UGT1A9: variants seen among roughly 807,000 people sequenced by gnomAD.
UGT1A9 encodes the protein UDP glucuronosyltransferase family 1 member A9.
A neutral mutation model predicts 45.0 loss-of-function variants in UGT1A9; 35 were observed. The observed-to-expected ratio is 0.78, with a 90% CI of 0.59 to 1.03. UGT1A9 has a LOEUF of 1.03. UGT1A9 is among the 50% of genes least tolerant of loss of function. UGT1A9 has a pLI of 0.00. For missense variants in UGT1A9, 687 were observed against 666.6 expected (o/e 1.03, Z -0.34); for synonymous variants, 278 against 250.6 (o/e 1.11, Z -1.03).
At chr2:233,697,172 T>C (rs1283360164) in intron 1 of UGT1A9, among the ~76,000 whole-genome samples, 1 of 152,110 alleles carries the variant, frequency 6.6e-6, no homozygotes, top group African/African-American at 2.4e-5. Context: ...CTTTTAAAAA[T>C]GGTTGGTAGA....
At chr2:233,694,618 C>A (rs1257635329) in intron 1 of UGT1A9, among the ~76,000 whole-genome samples, 5 of 152,218 alleles carry the variant, frequency 3.3e-5, no homozygotes, top group East Asian at 1.9e-4. Flanking sequence ...CTCCCTCTAT[C>A]TTTTATGCCT....
intron 1 of UGT1A9, among the ~76,000 whole-genome samples, chr2:233,709,550 C>G (rs1305349902): frequency 6.6e-6 from 1 of 151,946 alleles, no homozygotes; most frequent in Non-Finnish European, 1.5e-5. Flanking sequence ...TATGTAAGTA[C>G]TTATAAATTT....
chr2:233,725,139 A>G lies in UGT1A9; in HGVS notation c.856-41895A>G, dbSNP rs1329392712. ...TGCAGTGAGCCGAGATGGCAGCAGTACAGTCCAGCTTCGGCTCTGCATGAG... is the reference window on the plus strand; with the variant it reads ...TGCAGTGAGCCGAGATGGCAGCAGTGCAGTCCAGCTTCGGCTCTGCATGAG... On this transcript the variant is annotated intron_variant, in intron 1 of 4. Transcript: ENST00000354728. Among the ~76,000 whole-genome samples, 4 of 132,800 alleles carry G rather than the reference A, an allele frequency of 3.0e-5. 1 individual carries two copies. The highest frequency in any genetic ancestry group is 6.3e-5 in the Non-Finnish European group (4 of 63,650). The allele number at this position is 132,800 out of a possible 152,430, so 87.1% of individuals were successfully genotyped here. A position where few individuals can be genotyped will look rare whatever the true frequency, so the allele number is the denominator to read the frequency against.
intron 1 of UGT1A9, among the ~76,000 whole-genome samples, chr2:233,724,260 C>G (rs1481062069): frequency 7.7e-6 from 1 of 129,912 alleles, no homozygotes; most frequent in African/African-American, 3.0e-5. Flanking sequence ...CCTCACCTCC[C>G]GGACGGGGCG....
chr2:233,694,220 G>A (rs2075206036), intron 1 of UGT1A9, among the ~76,000 whole-genome samples: 1 of 152,028 alleles, frequency 6.6e-6, no homozygotes, highest in African/African-American at 2.4e-5. Context: ...TCCCAACTCT[G>A]TCCCATGCTT....
chr2:233,718,971 C>T (rs1342997030), intron 1 of UGT1A9: 5 of 1,614,090 alleles, frequency 3.1e-6, no homozygotes, highest in Middle Eastern at 1.6e-4. Context: ...CTTGCGGGAG[C>T]TCCATGCCAG....
chr2:233,717,564 G>A (rs569646597), intron 1 of UGT1A9, among the ~76,000 whole-genome samples: 3 of 152,318 alleles, frequency 2.0e-5, no homozygotes, highest in African/African-American at 7.2e-5. Context: ...GGCAGACATG[G>A]CCAGGCATGT....
In UGT1A9 at chr2:233,731,114, G is replaced by T. The variant is rs184066438; in HGVS notation, c.856-35920G>T. ...TTCTGTGCCTTTTTTATAAATGTAG[G>T]TATTATTGCAAAAGACTCTAAGCTT... On this transcript the variant is annotated intron_variant, in intron 1 of 4. Transcript: ENST00000354728. Among the ~76,000 whole-genome samples, 112 of 151,994 alleles carry T rather than the reference G, an allele frequency of 7.4e-4. 1 individual carries two copies. Among genetic ancestry groups the T allele is most frequent in the African/African-American group, 2.6e-3 (107 of 41,462 alleles).
At chr2:233,712,531 C>G (rs1471735074) in intron 1 of UGT1A9, among the ~76,000 whole-genome samples, 1 of 152,178 alleles carries the variant, frequency 6.6e-6, no homozygotes, top group Non-Finnish European at 1.5e-5. Flanking sequence ...CTGTGTTACC[C>G]ATATGTGGGA....
Position 233,766,771 on chromosome 2 carries a change from C to T in UGT1A9, c.856-263C>T, listed in dbSNP as rs71528513. ...GTGCATGTGTGTGCATGTACCTGTG[C>T]TTTTCTTTTGGAAAACTAGCACATT... On this transcript the variant is annotated intron_variant, in intron 1 of 4. Transcript: ENST00000354728. 5.2e-3 allele frequency among the ~76,000 whole-genome samples: 785 copies of T among 152,286 alleles called. 3 individuals are homozygous for T. The highest frequency in any genetic ancestry group is 8.7e-3 in the Non-Finnish European group (595 of 68,032).
At chr2:233,749,490 C>A (rs1026732516) in intron 1 of UGT1A9, among the ~76,000 whole-genome samples, 4 of 151,770 alleles carry the variant, frequency 2.6e-5, no homozygotes, top group Non-Finnish European at 5.9e-5. Flanking sequence ...TCTTGCTATG[C>A]CCCTTAGAGA....
rs377333605 is a variant in UGT1A9 at position 233,713,764 on chromosome 2, G to A, written c.855+40975G>A. 2.4e-5 allele frequency: 38 copies of A among 1,613,838 alleles called. No homozygotes were observed. Among genetic ancestry groups the A allele is most frequent in the Middle Eastern group, 3.3e-4 (2 of 6,074 alleles). On this transcript the variant is annotated intron_variant, in intron 1 of 4. Coordinates refer to ENST00000354728, the MANE Select transcript of UGT1A9 (RefSeq NM_021027.3). ...AGCCATGCATCTGTGTGGCTGTTCC[G>A]AGGGGACTTTGTGATGGATTACCCC...
intron 1 of UGT1A9, chr2:233,747,808 C>G (rs1432471540): frequency 1.2e-6 from 2 of 1,613,386 alleles, no homozygotes; most frequent in African/African-American, 2.7e-5. Flanking sequence ...AAGTTACTAA[C>G]GACCAATTCA....
chr2:233,755,447 T>C (rs1695920432), intron 1 of UGT1A9: 1 of 310,986 alleles, frequency 3.2e-6, no homozygotes, highest in Non-Finnish European at 6.3e-6. Flanking sequence ...GCAGTGCTCC[T>C]GGGACTGGCC....
intron 1 of UGT1A9, chr2:233,682,089 G>A: frequency 1.2e-6 from 2 of 1,614,054 alleles, no homozygotes; most frequent in South Asian, 2.2e-5. Context: ...CTCATCCTCA[G>A]GGGGCATGAG....
intron 1 of UGT1A9, among the ~76,000 whole-genome samples, chr2:233,674,470 G>A (rs2074286048): frequency 6.6e-6 from 1 of 152,090 alleles, no homozygotes. Context: ...TTGGCTGAGG[G>A]TAAGGCCCTG....
intron 1 of UGT1A9, among the ~76,000 whole-genome samples, chr2:233,699,007 A>G (rs575733122): frequency 6.6e-6 from 1 of 152,240 alleles, no homozygotes; most frequent in Non-Finnish European, 1.5e-5. Context: ...CTGTAAGAAC[A>G]TGAGAGGCTG....
chr2:233,760,317 A>T, intron 1 of UGT1A9: 5 of 1,614,016 alleles, frequency 3.1e-6, no homozygotes, highest in Non-Finnish European at 4.2e-6. Context: ...GCGGACGCCC[A>T]CTTGTCCTGG....
At chr2:233,735,081 G>T (rs541127094) in intron 1 of UGT1A9, among the ~76,000 whole-genome samples, 3 of 152,254 alleles carry the variant, frequency 2.0e-5, no homozygotes, top group African/African-American at 7.2e-5. Context: ...TTAACCTTTG[G>T]TCTTGTTGAA....
Sources: allele counts gnomAD v4.1 joint callset (sites outside exome capture counted in the v4.1 genomes callset), GRCh38; gene constraint gnomAD v4.1.1; transcripts MANE v1.5; gene names NCBI Gene and HGNC (gene_info 2026-07-23, HGNC 2026-07-21).